Variants in ASCC3 observed in about 807,000 individuals in gnomAD.
ASCC3 encodes the protein activating signal cointegrator 1 complex subunit 3.
A neutral mutation model predicts 256.3 loss-of-function variants in ASCC3; 158 were observed. That is an observed-to-expected ratio of 0.62 (90% CI 0.54 to 0.70). ASCC3 has a LOEUF of 0.70. ASCC3 is among the 30% of genes least tolerant of loss of function. ASCC3 has a pLI of 0.00. For missense variants in ASCC3, 2,259 were observed against 2,626.0 expected, an observed-to-expected ratio of 0.86 and a Z score of 3.05; for synonymous variants, 948 against 883.4, an observed-to-expected ratio of 1.07 and a Z score of -1.30.
chr6:100,595,411 AAAG>A, intron 34 of ASCC3, among the ~76,000 whole-genome samples: 2 of 152,340 alleles, frequency 1.3e-5, no homozygotes, highest in South Asian at 4.1e-4. Context: ...GTCAATTAAA[AAAG>A]AAGGTGGCAG....
intron 25 of ASCC3, 123 bp from the exon 26 acceptor site, chr6:100,631,336 T>A: frequency 1.4e-6 from 1 of 704,784 alleles, no homozygotes; most frequent in Non-Finnish European, 2.5e-6. Flanking sequence ...ATCTTTTAAT[T>A]CTGAATACTC....
In ASCC3 at chr6:100,679,667, G is replaced by A. The variant is rs758067617; in HGVS notation, c.2237C>T (p.Pro746Leu). 24 of 1,613,414 alleles carry A rather than the reference G, an allele frequency of 1.5e-5. No homozygotes were observed. The highest frequency in any genetic ancestry group is 1.2e-4 in the South Asian group (11 of 91,072). The change falls in exon 14 of 42, where the codon CCC becomes CTC. Residue 746 changes from proline to leucine, a missense_variant. By Grantham distance (98) the Pro-to-Leu change is moderately conservative. This residue lies in a region of ASCC3 where 1,839 missense variants were observed against 2,206.7 expected (regional missense o/e 0.83). Transcript: ENST00000369162. ...ATGTCCTTGGGTAGGAAAAAAGAAG[G>A]GAATATGGCCACAATTTTTTGCTCT... is the stretch of plus-strand genomic sequence containing the variant. ...IERAKNCGHI[P>L]FFFPTQGHDY...
chr6:100,662,173 A>G (rs554145717), intron 15 of ASCC3, 143 bp from the exon 16 acceptor site: 1 of 1,125,388 alleles, frequency 8.9e-7, no homozygotes, highest in South Asian at 1.5e-5. Flanking sequence ...ATAGAGTAAA[A>G]TTTTCACAAT....
Position 100,746,654 on chromosome 6 carries a change from AT to A in ASCC3, c.1737+19910del, listed in dbSNP as rs547024461. Among the ~76,000 whole-genome samples the A allele has an allele frequency of 1.5e-3, 222 of 152,158 alleles. 1 individual carries two copies. The highest frequency in any genetic ancestry group is 5.2e-3 in the African/African-American group (216 of 41,412). ...GCTGTTATCATTACAAGGTAAAATT[AT>A]ATAGTAATAGGTGGAAAAAGTTATC... On this transcript the variant is annotated intron_variant, in intron 10 of 41. Transcript: ENST00000369162.
chr6:100,652,739 A>G lies in ASCC3; in HGVS notation c.2974T>C (p.Tyr992His), dbSNP rs965692687. 2.5e-6 allele frequency: 4 copies of G among 1,613,638 alleles called. No homozygotes were observed. In the African/African-American group the frequency reaches 5.3e-5, roughly 22 times the overall value. ...GRTASHYYIK[Y>H]NTIETFNELF... ...TAGTATAATACCTCAATGGTGTTGT[A>G]TTTAATATAGTAATGGCTGGCAGTT... Residue 992 changes from tyrosine to histidine, a missense_variant, in exon 18 of 42, where the codon TAC becomes CAC. This residue lies in a region of ASCC3 where 1,839 missense variants were observed against 2,206.7 expected (regional missense o/e 0.83). Coordinates refer to ENST00000369162, the MANE Select transcript of ASCC3 (RefSeq NM_006828.4).
intron 23 of ASCC3, among the ~76,000 whole-genome samples, chr6:100,643,042 C>T (rs1233081684): frequency 2.0e-5 from 3 of 152,100 alleles, no homozygotes; most frequent in Admixed American, 6.6e-5. Context: ...ATCATTCATT[C>T]AATTACATAA....
chr6:100,647,415 C>G lies in ASCC3; in HGVS notation c.3289G>C (p.Ala1097Pro). The G allele has an allele frequency of 6.2e-7, 1 of 1,613,886 alleles. No homozygotes were observed. Residue 1097 changes from alanine to proline, a missense_variant, in exon 21 of 42, where the codon GCT becomes CCT. Around this residue, in one of 2 missense-constraint regions of ASCC3, gnomAD observed 1,839 missense variants for 2,206.7 expected, o/e 0.83. Transcript: ENST00000369162. ...ATGGTAGGCCAACGTTTCCTCAGAG[C>G]AATTTCAAAAAGAGCACGGACAATT... is the stretch of plus-strand genomic sequence containing the variant. ...ARIVRALFEI[A>P]LRKRWPTMTY...
chr6:100,710,344 G>C (rs377674994), intron 13 of ASCC3, among the ~76,000 whole-genome samples: 5 of 152,202 alleles, frequency 3.3e-5, no homozygotes, highest in African/African-American at 1.2e-4. Context: ...TCATGCCCTA[G>C]AGCAACCAGC....
chr6:100,646,454 G>A (rs1775383235), intron 22 of ASCC3, among the ~76,000 whole-genome samples, 161 bp downstream of exon 22: 1 of 151,526 alleles, frequency 6.6e-6, no homozygotes, highest in African/African-American at 2.4e-5. Flanking sequence ...GGGACTACAG[G>A]TGCCCACCAC....
intron 4 of ASCC3, among the ~76,000 whole-genome samples, chr6:100,823,426 A>G (rs771797660): frequency 6.6e-6 from 1 of 152,202 alleles, no homozygotes; most frequent in Non-Finnish European, 1.5e-5. Context: ...AAAACAAAAC[A>G]TGAACGAATG....
In ASCC3 at chr6:100,718,197, T is replaced by C. The variant is rs1186397140; in HGVS notation, c.1957A>G (p.Asn653Asp). 3 of 1,613,306 alleles carry C rather than the reference T, an allele frequency of 1.9e-6. No homozygotes were observed. The highest frequency in any genetic ancestry group is 1.7e-5 in the Admixed American group (1 of 59,926). ...AAAAATGTGGCAACATCGAGGTAGT[T>C]AGGTAAAGTTGCAGACAGTCCGAGA... ...RILGLSATLP[N>D]YLDVATFLHV... Residue 653 changes from asparagine (N) to aspartate (D), a missense_variant, in exon 12 of 42, where the codon AAC becomes GAC. Physicochemically the swap from Asn to Asp is conservative, Grantham distance 23 (BLOSUM62 1). Coordinates refer to ENST00000369162, the MANE Select transcript of ASCC3 (RefSeq NM_006828.4).
intron 8 of ASCC3, among the ~76,000 whole-genome samples, chr6:100,796,414 G>A (rs1769617013): frequency 6.6e-6 from 1 of 152,124 alleles, no homozygotes; most frequent in African/African-American, 2.4e-5. Flanking sequence ...AGCTTTATCT[G>A]TGTTATGGAA....
rs140953168 is a variant in ASCC3 at position 100,691,325 on chromosome 6, A to T, written c.2152-11573T>A. 3.4e-3 allele frequency among the ~76,000 whole-genome samples: 513 copies of T among 152,170 alleles called. 3 individuals carry two copies. Among genetic ancestry groups the T allele is most frequent in the African/African-American group, 0.012 (489 of 41,566 alleles). On this transcript the variant is annotated intron_variant, in intron 13 of 41. Transcript: ENST00000369162. The stretch of plus-strand genomic sequence containing the variant: ...TTTATTAAGTATAAAATTTTAAAAC[A>T]GTAAATATTTTGAATGCATTTCTCC...
chr6:100,627,744 T>C, intron 28 of ASCC3, 34 bp from the exon 29 acceptor site: 1 of 1,609,686 alleles, frequency 6.2e-7, no homozygotes, highest in Non-Finnish European at 8.5e-7. Flanking sequence ...CCATTTTCAA[T>C]TTTTATATTG....
At chr6:100,878,910 G>T (rs1166491452) in intron 1 of ASCC3, among the ~76,000 whole-genome samples, 1 of 152,136 alleles carries the variant, frequency 6.6e-6, no homozygotes, top group African/African-American at 2.4e-5. Context: ...ACTATCTAGA[G>T]ATACTGTCAT....
chr6:100,843,789 G>A (rs555354008), intron 4 of ASCC3, among the ~76,000 whole-genome samples: 2 of 152,014 alleles, frequency 1.3e-5, no homozygotes, highest in South Asian at 4.2e-4. Flanking sequence ...CCTGAATTAA[G>A]ACCTCGCTTT....
In ASCC3 at chr6:100,509,460, C is replaced by A. The variant is rs144362003; in HGVS notation, c.6535G>T (p.Val2179Phe). ...LDQQYDIYLNVTQASLSAQVN... is the reference protein window; with the variant it reads ...LDQQYDIYLNFTQASLSAQVN... Reference sequence around the variant, plus strand: ...TGTGCAGAAAGACTCGCTTGTGTAACGTTGAGATAGATGTCATACTGCTGG... The same window carrying A: ...TGTGCAGAAAGACTCGCTTGTGTAAAGTTGAGATAGATGTCATACTGCTGG... The change falls in exon 42 of 42, where the codon GTT (valine) becomes TTT (phenylalanine). Residue 2179 changes from valine (V) to phenylalanine (F), a missense_variant. Val to Phe is a conservative substitution (Grantham distance 50). This residue lies in a region of ASCC3 where 1,839 missense variants were observed against 2,206.7 expected (regional missense o/e 0.83). Transcript: ENST00000369162. 1 of 1,614,124 alleles carries A rather than the reference C, an allele frequency of 6.2e-7. No individual in the cohort carries two copies. Among genetic ancestry groups the A allele is most frequent in the Admixed American group, 1.7e-5 (1 of 60,016 alleles).
chr6:100,582,564 T>G (rs1469069135), intron 36 of ASCC3, among the ~76,000 whole-genome samples: 1 of 152,090 alleles, frequency 6.6e-6, no homozygotes, highest in African/African-American at 2.4e-5. Context: ...TTTTCCTAAC[T>G]GAATACCCTT....
chr6:100,529,691 A>G (rs966054917), intron 37 of ASCC3, among the ~76,000 whole-genome samples: 5 of 152,316 alleles, frequency 3.3e-5, no homozygotes, highest in East Asian at 1.9e-4. Context: ...CATGGGTACA[A>G]TTTTAAAATC....
Sources: gnomAD v4.1 joint callset for allele counts (sites outside exome capture counted in the v4.1 genomes callset) on GRCh38, gnomAD v4.1.1 for gene constraint, gnomAD v4.1.1 regional missense constraint, MANE v1.5 for transcripts, NCBI Gene and HGNC (gene_info 2026-07-23, HGNC 2026-07-21) for gene names.